Variants in PALM2AKAP2 observed in about 807,000 individuals in gnomAD.
PALM2AKAP2 encodes PALM2-AKAP2 fusion protein.
In PALM2AKAP2, 37 loss-of-function variants were observed where a neutral mutation model predicts 71.5. The ratio of observed to expected loss-of-function variants is 0.52; its 90% CI spans 0.40 to 0.68. The LOEUF (loss-of-function observed/expected upper bound fraction) is 0.68. Among genes scored for constraint, PALM2AKAP2 ranks in the 30% least tolerant of loss-of-function variants. The pLI is 0.00. For missense variants in PALM2AKAP2, 1,224 were observed against 1,191.8 expected (o/e 1.03, Z -0.40); for synonymous variants, 468 against 478.8 (o/e 0.98, Z 0.29).
intron 1 of PALM2AKAP2, among the ~76,000 whole-genome samples, chr9:109,764,482 A>G (rs80146087): frequency 5.3e-4 from 81 of 152,182 alleles, no homozygotes; most frequent in African/African-American, 1.9e-3. Flanking sequence ...TTCTTATTTC[A>G]TCTCCTCTGA....
chr9:109,810,829 G>A (rs79468207), intron 1 of PALM2AKAP2, among the ~76,000 whole-genome samples: 5,209 of 152,228 alleles, frequency 0.034, 107 homozygotes, highest in Middle Eastern at 0.099. Context: ...GGAAGGCATC[G>A]AGTGCACAAA....
chr9:109,851,377 T>A (rs1829012368), intron 1 of PALM2AKAP2, among the ~76,000 whole-genome samples: 2 of 152,192 alleles, frequency 1.3e-5, no homozygotes, highest in South Asian at 4.2e-4. Flanking sequence ...GGCCAAGATG[T>A]GGAGGCATCT....
At chr9:110,035,408 A>ATT (rs1833375033) in intron 7 of PALM2AKAP2, among the ~76,000 whole-genome samples, 1 of 78,164 alleles carries the variant, frequency 1.3e-5, no homozygotes, top group African/African-American at 7.2e-5. Flanking sequence ...ATACGTATAT[A>ATT]ATATGTATAA....
intron 6 of PALM2AKAP2, 57 bp from the exon 7 acceptor site, chr9:110,015,897 T>C: frequency 6.8e-7 from 1 of 1,460,162 alleles, no homozygotes; most frequent in Non-Finnish European, 9.5e-7. Flanking sequence ...ATAACAACTG[T>C]GTATCCATGT....
chr9:109,879,270 G>A (rs544288494), intron 2 of PALM2AKAP2, among the ~76,000 whole-genome samples: 14 of 152,330 alleles, frequency 9.2e-5, no homozygotes, highest in African/African-American at 3.4e-4. Flanking sequence ...GTGAGCCAGG[G>A]AGCCAAAGAG....
At position 109,925,742 on chromosome 9, in the gene PALM2AKAP2, G is replaced by A. The variant is rs77476219; in HGVS notation, c.394+660G>A. ...CTCTGTCCTCTCCTCTCCTTACCTG[G>A]ACTGTGGGGATGAACTTGAGATTGT... On this transcript the variant is annotated intron_variant, in intron 5 of 9. Coordinates refer to the PALM2AKAP2 transcript ENST00000302798. Among the ~76,000 whole-genome samples the A allele has an allele frequency of 1.0e-2, 1,517 of 152,138 alleles. 17 individuals are homozygous for A. The highest frequency in any genetic ancestry group is 0.014 in the Non-Finnish European group (977 of 68,002).
At chr9:109,862,133 C>T (rs1829326786) in intron 1 of PALM2AKAP2, among the ~76,000 whole-genome samples, 1 of 152,046 alleles carries the variant, frequency 6.6e-6, no homozygotes, top group African/African-American at 2.4e-5. Flanking sequence ...GTAGAAAAAT[C>T]CACAGCCTGT....
chr9:109,971,201 G>A (rs1402733989), intron 6 of PALM2AKAP2, among the ~76,000 whole-genome samples: 1 of 149,410 alleles, frequency 6.7e-6, no homozygotes, highest in African/African-American at 2.5e-5. Flanking sequence ...ACATAGCAGT[G>A]CTCAGTAAAT....
chr9:109,793,774 A>C (rs1827178971), intron 1 of PALM2AKAP2, among the ~76,000 whole-genome samples: 2 of 152,220 alleles, frequency 1.3e-5, no homozygotes, highest in Non-Finnish European at 2.9e-5. Context: ...AATTTGAAAA[A>C]ATTCAAAAAA....
chr9:109,859,691 G>A (rs1026476538), intron 1 of PALM2AKAP2, among the ~76,000 whole-genome samples: 2 of 152,250 alleles, frequency 1.3e-5, no homozygotes, highest in East Asian at 3.8e-4. Context: ...AGATGGAAAT[G>A]CTGGTCCAAA....
exon 4 of PALM2AKAP2, chr9:110,170,991 C>T (rs4289885): frequency 0.57 from 86,158 of 152,174 alleles, 25,391 homozygotes; most frequent in East Asian, 0.86. Context: ...AAATGTGATG[C>T]GCTTCATGTT....
chr9:110,163,926 C>T (rs67381192), intron 3 of PALM2AKAP2, among the ~76,000 whole-genome samples: 13,721 of 152,156 alleles, frequency 0.09, 712 homozygotes, highest in East Asian at 0.13. Context: ...TAGCCTGATA[C>T]ATCCTAACAT....
chr9:109,844,881 C>T (rs1238087693), intron 1 of PALM2AKAP2, among the ~76,000 whole-genome samples: 1 of 152,094 alleles, frequency 6.6e-6, no homozygotes, highest in Non-Finnish European at 1.5e-5. Flanking sequence ...TGTAGAACCC[C>T]TGGGTCACAG....
chr9:109,908,866 A>G (rs1196806620), intron 3 of PALM2AKAP2, among the ~76,000 whole-genome samples: 2 of 150,114 alleles, frequency 1.3e-5, no homozygotes, highest in African/African-American at 4.9e-5. Context: ...CTAACTCAGC[A>G]GGAAAGCTAT....
intron 1 of PALM2AKAP2, among the ~76,000 whole-genome samples, chr9:109,832,190 C>T (rs1828319310): frequency 6.6e-6 from 1 of 152,222 alleles, no homozygotes; most frequent in African/African-American, 2.4e-5. Flanking sequence ...ATGTGCTGGA[C>T]AGCTTTGGCT....
At chr9:109,840,977 G>T (rs1397947622) in intron 1 of PALM2AKAP2, among the ~76,000 whole-genome samples, 1 of 152,196 alleles carries the variant, frequency 6.6e-6, no homozygotes, top group Non-Finnish European at 1.5e-5. Context: ...CAGGGATCTA[G>T]AACTAGAAAT....
At chr9:109,915,751 T>A (rs1366162433) in intron 3 of PALM2AKAP2, among the ~76,000 whole-genome samples, 1 of 152,122 alleles carries the variant, frequency 6.6e-6, no homozygotes, top group Non-Finnish European at 1.5e-5. Flanking sequence ...TTACTGTATC[T>A]AGCAAAAACA....
At chr9:109,971,234 T>G (rs2132154245) in intron 6 of PALM2AKAP2, among the ~76,000 whole-genome samples, 1 of 150,210 alleles carries the variant, frequency 6.7e-6, no homozygotes, top group East Asian at 2.0e-4. Flanking sequence ...ATCCATCTCC[T>G]TATCCAATGC....
chr9:109,924,318 G>A (rs1473356103), intron 4 of PALM2AKAP2, among the ~76,000 whole-genome samples: 1 of 152,192 alleles, frequency 6.6e-6, no homozygotes. Flanking sequence ...ACATTTTACT[G>A]TATATAGAAA....
Sources: allele counts gnomAD v4.1 joint callset (sites outside exome capture counted in the v4.1 genomes callset), GRCh38; gene constraint gnomAD v4.1.1; transcripts MANE v1.5; gene names NCBI Gene and HGNC (gene_info 2026-07-23, HGNC 2026-07-21).